GRID2: variants seen among roughly 807,000 people sequenced by gnomAD.
GRID2 encodes glutamate receptor ionotropic, delta-2.
A neutral mutation model predicts 114.8 loss-of-function variants in GRID2; 33 were observed. The observed-to-expected ratio is 0.29, with a 90% confidence interval of 0.22 to 0.38. The LOEUF is 0.38. Ranked by LOEUF, GRID2 falls within the 10% of genes least tolerant of loss-of-function variation. The pLI is 1.00. For synonymous variants in GRID2, 505 were observed against 449.9 expected (o/e 1.12, Z -1.55); for missense variants, 1,184 against 1,257.7 (o/e 0.94, Z 0.89).
intron 1 of GRID2, among the ~76,000 whole-genome samples, chr4:92,354,179 A>G (rs1345221218): frequency 6.6e-6 from 1 of 152,014 alleles, no homozygotes; most frequent in Non-Finnish European, 1.5e-5. Context: ...ATGGGCTAAT[A>G]TCTTCAAGAC....
At chr4:93,428,054 A>T (rs1490576862) in intron 10 of GRID2, among the ~76,000 whole-genome samples, 1 of 152,060 alleles carries the variant, frequency 6.6e-6, no homozygotes, top group African/African-American at 2.4e-5. Flanking sequence ...AAAAACAAAG[A>T]TAACTCTGAA....
chr4:92,377,464 T>A (rs1729410554), intron 1 of GRID2, among the ~76,000 whole-genome samples: 1 of 152,124 alleles, frequency 6.6e-6, no homozygotes, highest in Non-Finnish European at 1.5e-5. Flanking sequence ...TTGCCCACAT[T>A]TTCCTGTCTT....
chr4:92,532,776 T>A (rs989450159), intron 1 of GRID2, among the ~76,000 whole-genome samples: 8 of 152,272 alleles, frequency 5.3e-5, no homozygotes, highest in African/African-American at 1.7e-4. Flanking sequence ...TGCCATTTTT[T>A]AAATTTGTAC....
At position 92,588,678 on chromosome 4, in the gene GRID2, C is replaced by CAA. The variant is rs1209254541; in HGVS notation, c.89-1429_89-1428dup. 5.3e-3 allele frequency among the ~76,000 whole-genome samples: 368 copies of CAA among 69,982 alleles called. 8 individuals carry two copies. The highest frequency in any genetic ancestry group is 9.3e-3 in the East Asian group (20 of 2,150). 45.9% of individuals were successfully genotyped at this position (69,982 alleles called of 152,430 possible). ...TGGGCAACAGAGTGAGACTCCGTCT[C>CAA]AAAAAAAAAAAAAAAAAAAAAAAAA... On this transcript the variant is annotated intron_variant, in intron 1 of 15. Coordinates refer to ENST00000282020, the MANE Select transcript of GRID2 (RefSeq NM_001510.4).
intron 2 of GRID2, among the ~76,000 whole-genome samples, chr4:92,831,591 T>C (rs992811268): frequency 2.0e-5 from 3 of 151,556 alleles, no homozygotes; most frequent in Non-Finnish European, 4.4e-5. Flanking sequence ...TGGTGGCTCA[T>C]GCCTGTAATC....
At chr4:92,822,361 G>T (rs1741349530) in intron 2 of GRID2, 2 of 620,328 alleles carry the variant, frequency 3.2e-6, no homozygotes, top group Admixed American at 1.9e-5. Context: ...GGACTGTGTG[G>T]CCAAAGTGGT....
intron 10 of GRID2, among the ~76,000 whole-genome samples, chr4:93,454,835 C>T (rs960464133): frequency 6.6e-6 from 1 of 152,070 alleles, no homozygotes; most frequent in African/African-American, 2.4e-5. Context: ...GCTTTAATCA[C>T]AGCTGAAGAT....
intron 2 of GRID2, among the ~76,000 whole-genome samples, chr4:92,688,888 T>C (rs888438194): frequency 6.6e-6 from 1 of 152,220 alleles, no homozygotes; most frequent in African/African-American, 2.4e-5. Context: ...ATGGCAGTTA[T>C]AGCCTTACAA....
chr4:92,728,593 A>T (rs953048768), intron 2 of GRID2, among the ~76,000 whole-genome samples: 1 of 151,908 alleles, frequency 6.6e-6, no homozygotes, highest in African/African-American at 2.4e-5. Context: ...ACAGTCTTTC[A>T]GTAAACTACT....
intron 1 of GRID2, among the ~76,000 whole-genome samples, chr4:92,520,466 C>T (rs1183431324): frequency 6.6e-6 from 1 of 151,812 alleles, no homozygotes; most frequent in Non-Finnish European, 1.5e-5. Flanking sequence ...CTACCTTCTT[C>T]CACTGCCAAT....
At chr4:93,221,156 G>A (rs1242210609) in intron 6 of GRID2, among the ~76,000 whole-genome samples, 1 of 152,106 alleles carries the variant, frequency 6.6e-6, no homozygotes, top group Non-Finnish European at 1.5e-5. Context: ...CTAAGATAAA[G>A]AGATCTAATG....
chr4:92,584,045 A>G (rs17019635), intron 1 of GRID2, among the ~76,000 whole-genome samples: 57,440 of 151,348 alleles, frequency 0.38, 10,910 homozygotes, highest in Middle Eastern at 0.45. Flanking sequence ...TCTATGCTTA[A>G]GTAAAGATAC....
At chr4:93,495,596 A>G (rs900961924) in intron 12 of GRID2, among the ~76,000 whole-genome samples, 2 of 151,760 alleles carry the variant, frequency 1.3e-5, no homozygotes, top group African/African-American at 4.8e-5. Flanking sequence ...TAGAAAGACA[A>G]CTTTATCTCT....
intron 1 of GRID2, among the ~76,000 whole-genome samples, chr4:92,455,574 G>A (rs1311276273): frequency 1.3e-5 from 2 of 152,120 alleles, no homozygotes; most frequent in East Asian, 1.9e-4. Flanking sequence ...CAGGAAGAGC[G>A]TTCTGGTGAG....
intron 14 of GRID2, among the ~76,000 whole-genome samples, chr4:93,683,985 G>A (rs1423063028): frequency 6.6e-6 from 1 of 151,872 alleles, no homozygotes; most frequent in African/African-American, 2.4e-5. Flanking sequence ...AGAGACATAA[G>A]GTAAGGTTAT....
In GRID2 at chr4:92,989,300, A is replaced by AAT. The variant is rs1553962742; in HGVS notation, c.245-95694_245-95693insTA. ...TCAAAAAAAAAAAAAAAAAAAAAAAAAATAATAATAATAATCCCATAGCTA... is the reference window on the plus strand; with the variant it reads ...TCAAAAAAAAAAAAAAAAAAAAAAAAATAATAATAATAATAATCCCATAGCTA... On this transcript the variant is annotated intron_variant, in intron 2 of 15. Transcript: ENST00000282020. Among the ~76,000 whole-genome samples the AAT allele has an allele frequency of 1.3e-3, 124 of 92,218 alleles. 1 individual carries two copies. Among genetic ancestry groups the AAT allele is most frequent in the Middle Eastern group, 8.6e-3 (1 of 116 alleles). 60.5% of individuals were successfully genotyped at this position (92,218 alleles called of 152,430 possible). A position where few individuals can be genotyped will look rare whatever the true frequency, so the allele number is the denominator to read the frequency against.
intron 2 of GRID2, among the ~76,000 whole-genome samples, chr4:92,801,849 TAAAG>T (rs148679607): frequency 6.6e-5 from 10 of 151,934 alleles, no homozygotes; most frequent in Non-Finnish European, 1.5e-4. Flanking sequence ...ATTTTATAGA[TAAAG>T]AAACTGAGGA....
At chr4:93,394,452 G>A (rs1450259168) in intron 8 of GRID2, among the ~76,000 whole-genome samples, 1 of 151,874 alleles carries the variant, frequency 6.6e-6, no homozygotes, top group Non-Finnish European at 1.5e-5. Context: ...CTTTTGGGGA[G>A]CTTAAAGGGA....
chr4:92,978,856 G>T (rs1754023084), intron 2 of GRID2, among the ~76,000 whole-genome samples: 1 of 151,784 alleles, frequency 6.6e-6, no homozygotes, highest in Non-Finnish European at 1.5e-5. Context: ...GTGAGACCCT[G>T]TCTCTACAAA....
Sources: gnomAD v4.1 joint callset for allele counts (sites outside exome capture counted in the v4.1 genomes callset) on GRCh38, gnomAD v4.1.1 for gene constraint, MANE v1.5 for transcripts, NCBI Gene and HGNC (gene_info 2026-07-23, HGNC 2026-07-21) for gene names.